The following CFAP20DC variants were observed in gnomAD, a reference collection of about 807,000 sequenced individuals.
The protein encoded by CFAP20DC is CFAP20 domain containing, also known as protein CFAP20DC.
In CFAP20DC, 84 loss-of-function variants were observed where a neutral mutation model predicts 101.7. The ratio of observed to expected loss-of-function variants is 0.83; its 90% CI spans 0.69 to 0.99. The LOEUF (loss-of-function observed/expected upper bound fraction) is 0.99. Ranked by LOEUF, CFAP20DC falls within the 50% of genes least tolerant of loss-of-function variation. The pLI, the probability that CFAP20DC is intolerant of heterozygous loss-of-function variation, is 0.00. For synonymous variants in CFAP20DC, 359 were observed against 351.2 expected (o/e 1.02, Z -0.25); for missense variants, 1,007 against 970.3 (o/e 1.04, Z -0.50).
At chr3:58,794,169 A>G (rs1016189348) in intron 15 of CFAP20DC, 1 of 315,612 alleles carries the variant, frequency 3.2e-6, no homozygotes, top group African/African-American at 2.2e-5. Flanking sequence ...AAAAGCAAAT[A>G]AGTTGTTTAC....
At chr3:58,768,629 G>A (rs1338664722) in intron 15 of CFAP20DC, among the ~76,000 whole-genome samples, 1 of 152,166 alleles carries the variant, frequency 6.6e-6, no homozygotes, top group East Asian at 1.9e-4. Flanking sequence ...CCAAACCAGA[G>A]TAAGCTTTTC....
chr3:58,883,934 T>C (rs1172415654), intron 7 of CFAP20DC, among the ~76,000 whole-genome samples: 1 of 152,200 alleles, frequency 6.6e-6, no homozygotes, highest in African/African-American at 2.4e-5. Context: ...AGCTCTGGTG[T>C]CTATCACAGA....
Position 58,882,216 on chromosome 3 carries a change from C to T in CFAP20DC, c.715+2329G>A, listed in dbSNP as rs942322917. Among the ~76,000 whole-genome samples, 1 of 152,018 alleles carries T rather than the reference C, an allele frequency of 6.6e-6. No individual in the cohort carries two copies. Among genetic ancestry groups the T allele is most frequent in the Admixed American group, 6.6e-5 (1 of 15,248 alleles). On this transcript the variant is annotated intron_variant, in intron 7 of 16. Coordinates refer to ENST00000482387, the MANE Select transcript of CFAP20DC (RefSeq NM_001394063.1). This position sits in a 1 kb window ranked among gnomAD's most constrained non-coding sequence, Gnocchi z 4.2. The stretch of plus-strand genomic sequence containing the variant: ...ATTGAGAGCCCTTTTATGGAAATTG[C>T]AAAATATATATTAATATCCTCTTTT...
At position 58,888,606 on chromosome 3, in the gene CFAP20DC, T is replaced by C. The variant is rs545964754; in HGVS notation, c.551-3897A>G. On this transcript the variant is annotated intron_variant, in intron 6 of 16. Transcript: ENST00000482387. ...CCTAGTGTGTGTTATCCTCCCTCCATGTGTCCACGTGTTCTCATCATTCAG... is the reference window on the plus strand; with the variant it reads ...CCTAGTGTGTGTTATCCTCCCTCCACGTGTCCACGTGTTCTCATCATTCAG... 5.9e-5 allele frequency among the ~76,000 whole-genome samples: 9 copies of C among 152,280 alleles called. No homozygotes were observed. In the South Asian group the frequency reaches 1.4e-3, roughly 25 times the overall value.
intron 14 of CFAP20DC, among the ~76,000 whole-genome samples, chr3:58,808,443 A>C (rs1200810369): frequency 6.6e-6 from 1 of 152,244 alleles, no homozygotes; most frequent in African/African-American, 2.4e-5. Context: ...TTCAACCCAG[A>C]ATTTCATATC....
Position 58,806,386 on chromosome 3 carries a change from G to A in CFAP20DC, c.2237+9C>T. ...TTTTTCTTAAATGTAGATTATTAAT[G>A]ATTCTTACCGGGGATTAGAAGGAGA... is the stretch of plus-strand genomic sequence containing the variant. On this transcript the variant is annotated intron_variant, in intron 15 of 16. Transcript: ENST00000482387. The A allele has an allele frequency of 6.5e-7, 1 of 1,541,218 alleles. No individual in the cohort carries two copies. The highest frequency in any genetic ancestry group is 9.0e-7 in the Non-Finnish European group (1 of 1,114,222).
chr3:58,803,560 A>C (rs192690189), intron 15 of CFAP20DC, among the ~76,000 whole-genome samples: 1 of 152,346 alleles, frequency 6.6e-6, no homozygotes, highest in East Asian at 1.9e-4. Flanking sequence ...TATGCGTTAC[A>C]TGATTCAATT....
chr3:58,910,807 T>G (rs2084072159), intron 6 of CFAP20DC, among the ~76,000 whole-genome samples: 1 of 152,076 alleles, frequency 6.6e-6, no homozygotes, highest in Non-Finnish European at 1.5e-5. Context: ...TTTTATATCT[T>G]CAGAGGAAGA....
At position 58,915,774 on chromosome 3, in the gene CFAP20DC, G is replaced by A. The variant is rs544138093; in HGVS notation, c.394-1910C>T. Among the ~76,000 whole-genome samples the A allele has an allele frequency of 9.2e-5, 14 of 152,180 alleles. No individual in the cohort carries two copies. The East Asian group carries it at 2.3e-3, about 25-fold the overall frequency. On this transcript the variant is annotated intron_variant, in intron 5 of 16. Coordinates refer to ENST00000482387, the MANE Select transcript of CFAP20DC (RefSeq NM_001394063.1). ...CCAGATAGCACCAAAAGTTTGATAC[G>A]AAATACAGTTCTTTGTCACCCTACC... is the stretch of plus-strand genomic sequence containing the variant.
intron 15 of CFAP20DC, among the ~76,000 whole-genome samples, chr3:58,791,769 G>C (rs1245824617): frequency 6.6e-6 from 1 of 152,160 alleles, no homozygotes; most frequent in Admixed American, 6.5e-5. Flanking sequence ...CAGTCATTAA[G>C]TGACTGGGTT....
At chr3:58,896,059 T>G (rs2106946272) in intron 6 of CFAP20DC, among the ~76,000 whole-genome samples, 1 of 152,330 alleles carries the variant, frequency 6.6e-6, no homozygotes, top group South Asian at 2.1e-4. Context: ...GTATCACTGC[T>G]TCAATTTCAG....
chr3:58,822,294 A>AT (rs1443151889), intron 14 of CFAP20DC, among the ~76,000 whole-genome samples: 1 of 124,216 alleles, frequency 8.1e-6, no homozygotes, highest in African/African-American at 3.2e-5. Context: ...TTAAAGTATA[A>AT]TAAAAAAAAA....
chr3:58,841,898 A>G (rs1174704496), intron 13 of CFAP20DC, among the ~76,000 whole-genome samples: 2 of 152,352 alleles, frequency 1.3e-5, no homozygotes, highest in African/African-American at 4.8e-5. Flanking sequence ...AAAGAAACAC[A>G]TAATGACATT....
chr3:58,906,482 G>C (rs1576246251), intron 6 of CFAP20DC, among the ~76,000 whole-genome samples: 1 of 151,990 alleles, frequency 6.6e-6, no homozygotes, highest in Non-Finnish European at 1.5e-5. Flanking sequence ...CTTCTACCCT[G>C]CCACCATACT....
chr3:58,787,027 AG>A (rs909430913), intron 15 of CFAP20DC, among the ~76,000 whole-genome samples: 1 of 151,794 alleles, frequency 6.6e-6, no homozygotes, highest in Non-Finnish European at 1.5e-5. Flanking sequence ...CCTGTAGATA[AG>A]GGGGGGCATT....
At chr3:58,878,166 T>C (rs978432405) in intron 7 of CFAP20DC, among the ~76,000 whole-genome samples, 2 of 152,028 alleles carry the variant, frequency 1.3e-5, no homozygotes, top group Admixed American at 6.6e-5. Flanking sequence ...GAAAAGCAAA[T>C]AGGCAAATGA....
intron 10 of CFAP20DC, 147 bp downstream of exon 10, chr3:58,867,670 A>T: frequency 1.1e-6 from 1 of 925,354 alleles, no homozygotes. Flanking sequence ...TTTTGCAGAA[A>T]ATTTGATTTC....
chr3:58,912,872 C>A lies in CFAP20DC; in HGVS notation c.550+836G>T, dbSNP rs1281706163. ...CACTAGAAAATTAATATGATTTCTCCCAAATGACTTCCTGAAATGTACACA... is the reference window on the plus strand; with the variant it reads ...CACTAGAAAATTAATATGATTTCTCACAAATGACTTCCTGAAATGTACACA... On this transcript the variant is annotated intron_variant, in intron 6 of 16. Transcript: ENST00000482387. This position sits in a 1 kb window ranked among gnomAD's most constrained non-coding sequence, Gnocchi z 4.4. The A allele has an allele frequency of 5.1e-6, 2 of 394,800 alleles. No individual in the cohort carries two copies. The highest frequency in any genetic ancestry group is 9.9e-6 in the Non-Finnish European group (2 of 201,978). The allele number at this position is 394,800 out of a possible 1,614,324, so 24.5% of individuals were successfully genotyped here.
At chr3:58,801,418 C>G (rs750752291) in intron 15 of CFAP20DC, among the ~76,000 whole-genome samples, 43 of 152,190 alleles carry the variant, frequency 2.8e-4, no homozygotes, top group Admixed American at 1.3e-3. Context: ...AATCCTCTGT[C>G]ATGTCTTGGT....
Sources: allele counts gnomAD v4.1 joint callset (sites outside exome capture counted in the v4.1 genomes callset), GRCh38; gene constraint gnomAD v4.1.1; non-coding constraint Gnocchi (gnomAD v3.1); transcripts MANE v1.5; gene names NCBI Gene and HGNC (gene_info 2026-07-23, HGNC 2026-07-21).